Variants in KIF7 observed in about 807,000 individuals in gnomAD.
KIF7 encodes the protein kinesin family member 7.
KIF7 carries 104 observed loss-of-function variants against 135.7 expected under a neutral mutation model. The observed-to-expected ratio is 0.77, with a 90% CI of 0.65 to 0.90. The LOEUF is 0.90. Among genes scored for constraint, KIF7 ranks in the 40% least tolerant of loss-of-function variants. The pLI is 0.00. For missense variants in KIF7, 2,005 were observed against 1,839.1 expected (o/e 1.09, Z -1.65); for synonymous variants, 883 against 809.4 (o/e 1.09, Z -1.54).
In KIF7 at chr15:89,648,541, T is replaced by A. The variant is rs886051537; in HGVS notation, c.1157A>T (p.His386Leu). 109 of 1,279,674 alleles carry A rather than the reference T, an allele frequency of 8.5e-5. 2 individuals carry two copies. The East Asian group carries it at 4.1e-3, about 49-fold the overall frequency. 79.3% of individuals were successfully genotyped at this position (1,279,674 alleles called of 1,614,324 possible). A position where few individuals can be genotyped will look rare whatever the true frequency, so the allele number is the denominator to read the frequency against. ...TGGGCCTGGGGCGCGCCGGCCGCGG[T>A]GGATGATGCGGGTCTCGGAGCGGTG... ...PRHRSETRII[H>L]RGRRAPGPAT... The change falls in exon 5 of 19, where the codon CAC becomes CTC. Residue 386 changes from histidine (H) to leucine (L), a missense_variant. Physicochemically the swap from His to Leu is moderately conservative, Grantham distance 99 (BLOSUM62 -3). Coordinates refer to ENST00000394412, the MANE Select transcript of KIF7 (RefSeq NM_198525.3).
chr15:89,621,916 T>C (rs985270286), intron 1 of KIF7, among the ~76,000 whole-genome samples: 1 of 151,706 alleles, frequency 6.6e-6, no homozygotes, highest in African/African-American at 2.4e-5. Flanking sequence ...CTGGGAGTCA[T>C]CCTTTTCCCT....
At chr15:89,625,232 C>T, downstream of KIF7, 1 of 1,613,694 alleles carries the variant, frequency 6.2e-7, no homozygotes. Flanking sequence ...AGGGGGCAAA[C>T]CTACATCTGC....
At chr15:89,650,592 C>T (rs571498792) in intron 2 of KIF7, among the ~76,000 whole-genome samples, 2 of 152,154 alleles carry the variant, frequency 1.3e-5, no homozygotes, top group Non-Finnish European at 2.9e-5. Context: ...TGGTGTTTCA[C>T]CATGTTGGCC....
downstream of KIF7, chr15:89,625,045 G>T (rs1963493976): frequency 6.2e-7 from 1 of 1,614,042 alleles, no homozygotes; most frequent in Non-Finnish European, 8.5e-7. Context: ...TAAGAAGATA[G>T]ACCCCAGCTC....
chr15:89,625,917 C>T (rs1963514803), downstream of KIF7: 2 of 1,553,236 alleles, frequency 1.3e-6, no homozygotes, highest in African/African-American at 1.4e-5. Context: ...GCTGCTCTTA[C>T]TATGTGGGAT....
rs760397762 is a variant in KIF7, at chr15:89,648,564, G to C, written c.1134C>G (p.His378Gln). 9 of 1,469,580 alleles carry C rather than the reference G, an allele frequency of 6.1e-6. No homozygotes were observed. In the African/African-American group the frequency reaches 8.7e-5, roughly 14 times the overall value. 91.0% of individuals were successfully genotyped at this position (1,469,580 alleles called of 1,614,324 possible). The stretch of plus-strand genomic sequence containing the variant: ...GGTGGATGATGCGGGTCTCGGAGCG[G>C]TGCCGTGGCGGACCCCGCGCGCCGC... ...TASGARGPPR[H>Q]RSETRIIHRG... is the part of the protein sequence containing the mutation. Residue 378 changes from histidine (H) to glutamine (Q), a missense_variant, in exon 5 of 19, where the codon CAC becomes CAG. By Grantham distance (24) the His-to-Gln change is conservative. Transcript: ENST00000394412.
upstream of KIF7, among the ~76,000 whole-genome samples, chr15:89,656,479 T>C (rs145335119): frequency 3.7e-4 from 57 of 152,160 alleles, no homozygotes; most frequent in African/African-American, 1.3e-3. Flanking sequence ...TCCCATTCCA[T>C]GTACCACACA....
downstream of KIF7, chr15:89,623,797 C>G (rs369720204): frequency 1.9e-6 from 3 of 1,613,834 alleles, no homozygotes; most frequent in Admixed American, 3.3e-5. Flanking sequence ...CTCCTCCTCA[C>G]CCGGCCATGA....
In KIF7 at chr15:89,652,682, G is replaced by A. The variant is rs1293359223; in HGVS notation, c.249C>T (p.Phe83=). 1.9e-6 allele frequency: 3 copies of A among 1,551,336 alleles called. No individual in the cohort carries two copies. Among genetic ancestry groups the A allele is most frequent in the South Asian group, 2.4e-5 (2 of 84,026 alleles). The part of the protein sequence containing the change: ...ACVQPLLEAF[F]EGFNATVFAY... ...CAAAGACAGTGGCATTGAAGCCCTCGAAGAAGGCCTCAAGGAGGGGCTGAA... is the reference window on the plus strand; with the variant it reads ...CAAAGACAGTGGCATTGAAGCCCTCAAAGAAGGCCTCAAGGAGGGGCTGAA... The change falls in exon 2 of 19, where the codon TTC becomes TTT. Residue 83 remains phenylalanine, a synonymous_variant. Transcript: ENST00000394412.
intron 14 of KIF7, 47 bp downstream of exon 14, chr15:89,632,773 A>C: frequency 3.8e-6 from 6 of 1,576,968 alleles, no homozygotes; most frequent in Non-Finnish European, 5.1e-6. Flanking sequence ...GCTGGACCTC[A>C]CTTCACTGGA....
At chr15:89,660,057 G>A (rs1015427036), upstream of KIF7, among the ~76,000 whole-genome samples, 1 of 152,138 alleles carries the variant, frequency 6.6e-6, no homozygotes, top group African/African-American at 2.4e-5. Flanking sequence ...ATTTAGCCTG[G>A]CGTGGTGGCG....
At chr15:89,652,239 C>G (rs1247461343) in intron 2 of KIF7, among the ~76,000 whole-genome samples, 1 of 152,206 alleles carries the variant, frequency 6.6e-6, no homozygotes, top group Non-Finnish European at 1.5e-5. Flanking sequence ...CACACGGCCC[C>G]CATTCCCAAC....
chr15:89,660,115 T>G (rs1159060374), upstream of KIF7, among the ~76,000 whole-genome samples: 1 of 152,122 alleles, frequency 6.6e-6, no homozygotes, highest in Admixed American at 6.6e-5. Flanking sequence ...GGAAAATCGC[T>G]TCAACCTGGG....
rs1472163188 is a variant in KIF7, at chr15:89,648,158, G to C, written c.1443+97C>G. The stretch of plus-strand genomic sequence containing the variant: ...CCCGAACGTGCCCTGCTAATGGGCA[G>C]GAGGCAGGGGCGCAGCTGCTGTCTG... On this transcript the variant is annotated intron_variant, in intron 5 of 18. Coordinates refer to ENST00000394412, the MANE Select transcript of KIF7 (RefSeq NM_198525.3). 3 of 1,349,100 alleles carry C rather than the reference G, an allele frequency of 2.2e-6. No homozygotes were observed. The Admixed American group carries it at 9.8e-5, about 44-fold the overall frequency. The allele number at this position is 1,349,100 out of a possible 1,614,324, so 83.6% of individuals were successfully genotyped here. A position where few individuals can be genotyped will look rare whatever the true frequency, so the allele number is the denominator to read the frequency against.
At chr15:89,626,140 C>T (rs2141987147), downstream of KIF7, 2 of 1,551,412 alleles carry the variant, frequency 1.3e-6, no homozygotes, top group Non-Finnish European at 1.7e-6. Context: ...CAGCTCGATT[C>T]TAGAGGAGCC....
intron 7 of KIF7, 122 bp downstream of exon 7, chr15:89,646,708 A>G (rs1964019325): frequency 1.1e-6 from 1 of 904,864 alleles, no homozygotes; most frequent in Non-Finnish European, 1.8e-6. Context: ...AGCCTCTCGC[A>G]TCTCACAGCC....
chr15:89,641,074 A>G (rs892262485), intron 11 of KIF7, among the ~76,000 whole-genome samples: 7 of 152,150 alleles, frequency 4.6e-5, no homozygotes, highest in African/African-American at 1.7e-4. Context: ...AAATTCCTAT[A>G]TGAAAGCCCT....
At chr15:89,619,784 G>A in intron 1 of KIF7, 2 of 1,613,978 alleles carry the variant, frequency 1.2e-6, no homozygotes, top group Non-Finnish European at 1.7e-6. Context: ...TCTATTCTGT[G>A]TCTCAGCCGA....
rs1255343241 is a variant in KIF7 at position 89,648,598 on chromosome 15, T to A, written c.1100A>T (p.Glu367Val). 1 of 1,530,064 alleles carries A rather than the reference T, an allele frequency of 6.5e-7. No individual in the cohort carries two copies. Among genetic ancestry groups the A allele is most frequent in the South Asian group, 1.2e-5 (1 of 83,864 alleles). The allele number at this position is 1,530,064 out of a possible 1,614,324, so 94.8% of individuals were successfully genotyped here. ...CGGACCCCGCGCGCCGCTCGCCGTCTCTTCGGGTGGCCGCTCGGCCTCGGG... is the reference window on the plus strand; with the variant it reads ...CGGACCCCGCGCGCCGCTCGCCGTCACTTCGGGTGGCCGCTCGGCCTCGGG... ...WRPEAERPPEETASGARGPPR... is the reference protein window; with the variant it reads ...WRPEAERPPEVTASGARGPPR... Residue 367 changes from glutamate to valine, a missense_variant, in exon 5 of 19, where the codon GAG becomes GTG. Physicochemically the swap from Glu to Val is moderately radical, Grantham distance 121. Coordinates refer to ENST00000394412, the MANE Select transcript of KIF7 (RefSeq NM_198525.3).
Sources: allele counts gnomAD v4.1 joint callset (sites outside exome capture counted in the v4.1 genomes callset), GRCh38; gene constraint gnomAD v4.1.1; transcripts MANE v1.5; gene names NCBI Gene and HGNC (gene_info 2026-07-23, HGNC 2026-07-21).